The following NTSR1 variants were observed in gnomAD, a reference collection of about 807,000 sequenced individuals.
NTSR1 encodes the protein neurotensin receptor type 1.
Under a neutral mutation model 31.2 loss-of-function variants are expected in NTSR1, and 29 were observed. That is an observed-to-expected ratio of 0.93 (90% CI 0.69 to 1.27). The LOEUF is 1.27. Ranked by LOEUF, NTSR1 falls within the 50% of genes most tolerant of loss-of-function variation. NTSR1 has a pLI of 0.00. For missense variants in NTSR1, 697 were observed against 595.4 expected (o/e 1.17, Z -1.78); for synonymous variants, 282 against 269.9 (o/e 1.04, Z -0.44).
chr20:62,754,751 A>T lies in NTSR1; in HGVS notation c.781A>T (p.Asn261Tyr). 1 of 1,612,834 alleles carries T rather than the reference A, an allele frequency of 6.2e-7. No individual in the cohort carries two copies. Among genetic ancestry groups the T allele is most frequent in the Non-Finnish European group, 8.5e-7 (1 of 1,179,806 alleles). ...VISVLNTIIANKLTVMVRQAA... is the reference protein window; with the variant it reads ...VISVLNTIIAYKLTVMVRQAA... ...CTCGGTCCTGAACACCATCATCGCCAACAAGCTGACCGTCATGGTACGCCA... is the reference window on the plus strand; with the variant it reads ...CTCGGTCCTGAACACCATCATCGCCTACAAGCTGACCGTCATGGTACGCCA... Residue 261 changes from asparagine (N) to tyrosine (Y), a missense_variant, in exon 2 of 4, where the codon AAC (asparagine) becomes TAC (tyrosine). Coordinates refer to ENST00000370501, the MANE Select transcript of NTSR1 (RefSeq NM_002531.3).
rs536848685 is a variant in NTSR1, at chr20:62,709,849, C to T, written c.642C>T (p.Ala214=). The change falls in exon 1 of 4, where the codon GCC becomes GCT. Residue 214 remains alanine, a synonymous_variant. Coordinates refer to ENST00000370501, the MANE Select transcript of NTSR1 (RefSeq NM_002531.3). ...CCATGGGCGAGCAGAACCGCAGCGCCGACGGCCAGCACGCCGGCGGCCTGG... is the reference window on the plus strand; with the variant it reads ...CCATGGGCGAGCAGAACCGCAGCGCTGACGGCCAGCACGCCGGCGGCCTGG... ...LFTMGEQNRS[A]DGQHAGGLVC... 20 of 1,608,810 alleles carry T rather than the reference C, an allele frequency of 1.2e-5. No individual in the cohort carries two copies. The highest frequency in any genetic ancestry group is 2.7e-5 in the African/African-American group (2 of 74,938).
At chr20:62,723,614 C>G (rs944438963) in intron 1 of NTSR1, among the ~76,000 whole-genome samples, 26 of 152,220 alleles carry the variant, frequency 1.7e-4, no homozygotes, top group African/African-American at 6.3e-4. Context: ...TCCAGGATCC[C>G]TGGTCCAGGG....
In NTSR1 at chr20:62,709,714, C is replaced by T; in HGVS notation, c.507C>T (p.Ala169=). ...VASLSVERYL[A]ICHPFKAKTL... ...GCCTGAGTGTGGAGCGCTACCTGGC[C>T]ATCTGCCACCCCTTCAAGGCCAAGA... Residue 169 remains alanine, a synonymous_variant, in exon 1 of 4, where the codon GCC becomes GCT. Coordinates refer to ENST00000370501, the MANE Select transcript of NTSR1 (RefSeq NM_002531.3). 5 of 1,612,932 alleles carry T rather than the reference C, an allele frequency of 3.1e-6. No individual in the cohort carries two copies. Among genetic ancestry groups the T allele is most frequent in the Non-Finnish European group, 4.2e-6 (5 of 1,179,892 alleles).
At chr20:62,717,398 T>G (rs2147132837) in intron 1 of NTSR1, among the ~76,000 whole-genome samples, 1 of 152,300 alleles carries the variant, frequency 6.6e-6, no homozygotes, top group Middle Eastern at 3.4e-3. Flanking sequence ...TTTTGGGTTG[T>G]CCCCAGTGGC....
chr20:62,717,476 C>G (rs1988752242), intron 1 of NTSR1, among the ~76,000 whole-genome samples: 1 of 152,236 alleles, frequency 6.6e-6, no homozygotes, highest in Non-Finnish European at 1.5e-5. Context: ...CAGCACGACT[C>G]TGGGCAAATG....
rs566551052 is a variant in NTSR1 at position 62,750,473 on chromosome 20, G to A, written c.715-4212G>A. Among the ~76,000 whole-genome samples, 52 of 152,166 alleles carry A rather than the reference G, an allele frequency of 3.4e-4. 1 individual carries two copies. The South Asian group carries it at 0.01, about 30-fold the overall frequency. On this transcript the variant is annotated intron_variant, in intron 1 of 3. Coordinates refer to ENST00000370501, the MANE Select transcript of NTSR1 (RefSeq NM_002531.3). ...TGGGAGGCCGAGGCGGGTGGATCAC[G>A]AGGTCAGGAGATCGAGACCATCCTG...
intron 1 of NTSR1, among the ~76,000 whole-genome samples, chr20:62,724,311 G>A (rs1017539401): frequency 1.1e-4 from 17 of 152,310 alleles, no homozygotes; most frequent in Admixed American, 2.0e-4. Flanking sequence ...AGATGCTAGT[G>A]CAGTGACCTG....
chr20:62,709,891 C>T lies in NTSR1; in HGVS notation c.684C>T (p.Ile228=). 1 of 1,599,416 alleles carries T rather than the reference C, an allele frequency of 6.3e-7. No individual in the cohort carries two copies. Among genetic ancestry groups the T allele is most frequent in the Non-Finnish European group, 8.5e-7 (1 of 1,170,340 alleles). Residue 228 remains isoleucine, a synonymous_variant, in exon 1 of 4, where the codon ATC becomes ATT. Coordinates refer to ENST00000370501, the MANE Select transcript of NTSR1 (RefSeq NM_002531.3). ...HAGGLVCTPT[I]HTATVKVVIQ... ...GCGGCCTGGTGTGCACCCCCACCAT[C>T]CACACTGCCACCGTCAAGGTCGTCA...
At position 62,750,012 on chromosome 20, in the gene NTSR1, G is replaced by A. The variant is rs535637010; in HGVS notation, c.715-4673G>A. Among the ~76,000 whole-genome samples the A allele has an allele frequency of 5.3e-5, 8 of 152,298 alleles. No individual in the cohort carries two copies. In the South Asian group the frequency reaches 1.2e-3, roughly 24 times the overall value. ...ATCCCTGCAAGCCCCTGTCCGCTGC[G>A]GCACTGTTCACAATCGCCAAGACAC... On this transcript the variant is annotated intron_variant, in intron 1 of 3. Coordinates refer to ENST00000370501, the MANE Select transcript of NTSR1 (RefSeq NM_002531.3).
At position 62,746,209 on chromosome 20, in the gene NTSR1, C is replaced by A. The variant is rs116915649; in HGVS notation, c.715-8476C>A. On this transcript the variant is annotated intron_variant, in intron 1 of 3. Transcript: ENST00000370501. ...TCTGCTTCCTGTTCAGTTCTCACCC[C>A]CTGAGTTCTCAGGTCTGTGAGTTTG... is the stretch of plus-strand genomic sequence containing the variant. Among the ~76,000 whole-genome samples, 1,324 of 152,280 alleles carry A rather than the reference C, an allele frequency of 8.7e-3. 19 individuals are homozygous for A. The highest frequency in any genetic ancestry group is 0.022 in the South Asian group (107 of 4,818).
chr20:62,727,547 T>C (rs1988929924), intron 1 of NTSR1, among the ~76,000 whole-genome samples: 1 of 152,172 alleles, frequency 6.6e-6, no homozygotes, highest in Non-Finnish European at 1.5e-5. Context: ...GAGTCCGCTG[T>C]GGTACGGCCG....
chr20:62,752,655 G>A (rs192015557), intron 1 of NTSR1, among the ~76,000 whole-genome samples: 44 of 152,310 alleles, frequency 2.9e-4, no homozygotes, highest in Non-Finnish European at 4.7e-4. Context: ...TGGTGAGGTT[G>A]GTATTTTAAA....
rs1269054881 is a variant in NTSR1, at chr20:62,709,756, C to T, written c.549C>T (p.Ser183=). ...PFKAKTLMSR[S]RTKKFISAIW... is the part of the protein sequence containing the mutation. ...AGGCCAAGACCCTCATGTCCCGAAGCCGCACCAAGAAGTTCATCAGCGCCA... is the reference window on the plus strand; with the variant it reads ...AGGCCAAGACCCTCATGTCCCGAAGTCGCACCAAGAAGTTCATCAGCGCCA... Residue 183 remains serine, a synonymous_variant, in exon 1 of 4, where the codon AGC becomes AGT. Coordinates refer to ENST00000370501, the MANE Select transcript of NTSR1 (RefSeq NM_002531.3). The T allele has an allele frequency of 2.5e-6, 4 of 1,613,064 alleles. No individual in the cohort carries two copies.
rs1041365183 is a variant in NTSR1 at position 62,733,743 on chromosome 20, GAC to G, written c.715-20938_715-20937del. ...AAAGAGAGGGAGAGAAGGAGAGAGA[GAC>G]ACAGAGAGAAAGGGAGGAACAGAGG... On this transcript the variant is annotated intron_variant, in intron 1 of 3. Coordinates refer to ENST00000370501, the MANE Select transcript of NTSR1 (RefSeq NM_002531.3). The surrounding 1 kb of genome is among the most constrained non-coding windows in gnomAD (Gnocchi z 5.2). Among the ~76,000 whole-genome samples the G allele has an allele frequency of 4.0e-5, 6 of 150,802 alleles. No individual in the cohort carries two copies. The highest frequency in any genetic ancestry group is 1.3e-4 in the Admixed American group (2 of 15,130).
intron 1 of NTSR1, among the ~76,000 whole-genome samples, chr20:62,737,961 C>G (rs1204826204): frequency 3.7e-5 from 3 of 81,702 alleles, no homozygotes; most frequent in Non-Finnish European, 6.2e-5. Flanking sequence ...AAGCTCCCTC[C>G]TCTGGAAAAT....
chr20:62,726,029 A>C (rs2147136211), intron 1 of NTSR1, among the ~76,000 whole-genome samples: 1 of 152,264 alleles, frequency 6.6e-6, no homozygotes, highest in South Asian at 2.1e-4. Flanking sequence ...GCTTGACCAG[A>C]ATGTCGGGGG....
intron 3 of NTSR1, among the ~76,000 whole-genome samples, chr20:62,759,672 G>A (rs1436019001): frequency 1.3e-5 from 2 of 152,110 alleles, no homozygotes; most frequent in Non-Finnish European, 2.9e-5. Flanking sequence ...CTACTCGGGA[G>A]GCTGAGGCAG....
At chr20:62,727,288 A>G (rs1988924952) in intron 1 of NTSR1, among the ~76,000 whole-genome samples, 1 of 152,178 alleles carries the variant, frequency 6.6e-6, no homozygotes, top group African/African-American at 2.4e-5. Flanking sequence ...ACAGGGCCTG[A>G]GGACAGGGTT....
intron 1 of NTSR1, among the ~76,000 whole-genome samples, chr20:62,723,105 G>T (rs1029346445): frequency 6.6e-6 from 1 of 152,206 alleles, no homozygotes; most frequent in Admixed American, 6.5e-5. Context: ...GTAAATTTCA[G>T]TAACTCTCCT....
Sources: allele counts gnomAD v4.1 joint callset (sites outside exome capture counted in the v4.1 genomes callset), GRCh38; gene constraint gnomAD v4.1.1; non-coding constraint Gnocchi (gnomAD v3.1); transcripts MANE v1.5; gene names NCBI Gene and HGNC (gene_info 2026-07-23, HGNC 2026-07-21).